Variants in TMEM131 observed in about 807,000 individuals in gnomAD.
The protein encoded by TMEM131 is transmembrane protein 131, also known as 2610524E03Rik.
Under a neutral mutation model 211.6 loss-of-function variants are expected in TMEM131, and 66 were observed. The observed-to-expected ratio is 0.31, with a 90% CI of 0.26 to 0.38. TMEM131 has a LOEUF of 0.38. Ranked by LOEUF, TMEM131 falls within the 10% of genes least tolerant of loss-of-function variation. The pLI is 1.00. For missense variants in TMEM131, 2,036 were observed against 2,299.3 expected, an observed-to-expected ratio of 0.89 and a Z score of 2.34; for synonymous variants, 844 against 841.3, an observed-to-expected ratio of 1.00 and a Z score of -0.06.
chr2:97,889,250 AC>A (rs1162784203), intron 3 of TMEM131, among the ~76,000 whole-genome samples: 1 of 152,206 alleles, frequency 6.6e-6, no homozygotes, highest in African/African-American at 2.4e-5. Context: ...AAGATGACAA[AC>A]AAAAAAAGAA....
intron 25 of TMEM131, among the ~76,000 whole-genome samples, chr2:97,798,843 GGTGA>G (rs898494068): frequency 7.0e-4 from 107 of 152,314 alleles, no homozygotes; most frequent in African/African-American, 2.5e-3. Flanking sequence ...CAAGATGGTT[GGTGA>G]GTAATTTCCC....
intron 4 of TMEM131, among the ~76,000 whole-genome samples, chr2:97,861,328 C>T (rs1410488702): frequency 1.3e-5 from 2 of 151,756 alleles, no homozygotes; most frequent in East Asian, 3.9e-4. Flanking sequence ...CACTCCTCCT[C>T]CAACCCCAGG....
At chr2:97,988,857 TAAGGAATTAAATATAG>T (rs1680143569) in intron 1 of TMEM131, among the ~76,000 whole-genome samples, 1 of 152,224 alleles carries the variant, frequency 6.6e-6, no homozygotes, top group Non-Finnish European at 1.5e-5. Context: ...GGTGGTTGCT[TAAGGAATTAAATATAG>T]AACTATCACA....
chr2:97,823,524 T>C (rs1052697235), intron 11 of TMEM131, among the ~76,000 whole-genome samples: 1 of 152,148 alleles, frequency 6.6e-6, no homozygotes, highest in African/African-American at 2.4e-5. Flanking sequence ...AATTTGGAGA[T>C]ACCTGGTGTC....
intron 22 of TMEM131, 70 bp from the exon 23 acceptor site, chr2:97,802,860 A>T: frequency 1.5e-6 from 2 of 1,338,000 alleles, no homozygotes; most frequent in Non-Finnish European, 2.0e-6. Flanking sequence ...AAGAAATTCA[A>T]TTAGGCTTAT....
intron 3 of TMEM131, among the ~76,000 whole-genome samples, chr2:97,906,280 A>T (rs1573539138): frequency 1.3e-5 from 2 of 152,210 alleles, no homozygotes; most frequent in East Asian, 3.8e-4. Context: ...TCACTAAGAC[A>T]TGTTTTAGGG....
At chr2:97,951,364 G>A (rs140588759) in intron 1 of TMEM131, among the ~76,000 whole-genome samples, 336 of 152,272 alleles carry the variant, frequency 2.2e-3, no homozygotes, top group Middle Eastern at 0.014. Context: ...CGGGGTGGAA[G>A]GCACATCCTC....
intron 39 of TMEM131, 50 bp from the exon 40 acceptor site, chr2:97,759,103 C>A (rs938256454): frequency 6.2e-7 from 1 of 1,610,648 alleles, no homozygotes; most frequent in Non-Finnish European, 8.5e-7. Flanking sequence ...TTGCCATGAT[C>A]ACTATAGCAT....
At chr2:97,973,076 T>C (rs557915287) in intron 1 of TMEM131, among the ~76,000 whole-genome samples, 1 of 152,328 alleles carries the variant, frequency 6.6e-6, no homozygotes, top group South Asian at 2.1e-4. Context: ...AGTTGTGTTG[T>C]TTTTAAGCCA....
chr2:97,919,673 C>A (rs1033772909), intron 2 of TMEM131, among the ~76,000 whole-genome samples: 1 of 152,104 alleles, frequency 6.6e-6, no homozygotes, highest in African/African-American at 2.4e-5. Context: ...CGGGTTCAAG[C>A]GATACTCCTG....
chr2:97,916,160 C>T (rs1676500123), intron 2 of TMEM131, among the ~76,000 whole-genome samples: 1 of 152,210 alleles, frequency 6.6e-6, no homozygotes. Context: ...AAATGATCCA[C>T]CCGCCTCAGC....
intron 4 of TMEM131, among the ~76,000 whole-genome samples, chr2:97,860,882 A>G (rs1483948924): frequency 6.6e-6 from 1 of 152,234 alleles, no homozygotes; most frequent in East Asian, 1.9e-4. Context: ...GGCAATGAAG[A>G]GGGTAGGGAA....
intron 8 of TMEM131, 61 bp from the exon 9 acceptor site, chr2:97,834,986 T>C: frequency 6.4e-7 from 1 of 1,568,134 alleles, no homozygotes; most frequent in Non-Finnish European, 8.7e-7. Flanking sequence ...ACCACCATTT[T>C]TTATTGAACT....
chr2:97,826,687 A>G (rs900558640), intron 11 of TMEM131, among the ~76,000 whole-genome samples: 1 of 152,176 alleles, frequency 6.6e-6, no homozygotes, highest in Non-Finnish European at 1.5e-5. Flanking sequence ...AGAGACAAAA[A>G]AGAAGTCAAA....
intron 4 of TMEM131, among the ~76,000 whole-genome samples, chr2:97,875,018 G>T (rs901249809): frequency 8.6e-5 from 13 of 152,044 alleles, no homozygotes; most frequent in African/African-American, 2.9e-4. Flanking sequence ...ATGGATGGAG[G>T]AATATTTACC....
chr2:97,888,212 A>G, intron 3 of TMEM131, 92 bp from the exon 4 acceptor site: 1 of 1,063,218 alleles, frequency 9.4e-7, no homozygotes, highest in Non-Finnish European at 1.3e-6. Flanking sequence ...TGTCATAACA[A>G]TGCCATTTTA....
intron 1 of TMEM131, among the ~76,000 whole-genome samples, chr2:97,958,452 C>T (rs1678670724): frequency 6.6e-6 from 1 of 152,170 alleles, no homozygotes; most frequent in Non-Finnish European, 1.5e-5. Flanking sequence ...AACCCTGAAA[C>T]CAATCATTAA....
intron 1 of TMEM131, among the ~76,000 whole-genome samples, chr2:97,962,332 T>A (rs1421863634): frequency 1.3e-5 from 2 of 152,066 alleles, no homozygotes; most frequent in African/African-American, 4.8e-5. Flanking sequence ...TGAAACTCCA[T>A]CTCTACTAAA....
At position 97,813,963 on chromosome 2, in the gene TMEM131, A is replaced by T. The variant is rs1352384093; in HGVS notation, c.1617+8T>A. On this transcript the variant is annotated splice_region_variant and intron_variant, in intron 15 of 40. Transcript: ENST00000186436. ...AGTTTAAATGTTAAAGATGGATAAT[A>T]TACTTACATCTAAAAAGCCTGTGTA... The T allele has an allele frequency of 1.3e-6, 2 of 1,571,236 alleles. No homozygotes were observed. Among genetic ancestry groups the T allele is most frequent in the Non-Finnish European group, 1.7e-6 (2 of 1,157,388 alleles).
Sources: allele counts gnomAD v4.1 joint callset (sites outside exome capture counted in the v4.1 genomes callset), GRCh38; gene constraint gnomAD v4.1.1; transcripts MANE v1.5; gene names NCBI Gene and HGNC (gene_info 2026-07-23, HGNC 2026-07-21).